The following FFAR1 variants were observed in gnomAD, a reference collection of about 807,000 sequenced individuals.
FFAR1 encodes the protein free fatty acid receptor 1.
For synonymous variants in FFAR1, 216 were observed against 201.5 expected, an observed-to-expected ratio of 1.07 and a Z score of -0.61; for missense variants, 424 against 396.2, an observed-to-expected ratio of 1.07 and a Z score of -0.60.
upstream of FFAR1, chr19:35,351,529 G>A (rs1226743388): frequency 7.2e-6 from 11 of 1,537,952 alleles, no homozygotes; most frequent in East Asian, 2.4e-5. Flanking sequence ...CACAGGAGCC[G>A]TGCAGGCCAG....
exon 1 of FFAR1, chr19:35,352,338 A>G: frequency 6.4e-7 from 1 of 1,552,284 alleles, no homozygotes; most frequent in Non-Finnish European, 8.7e-7. Context: ...GCTGGGGCTC[A>G]TCACGGGTGC....
At chr19:35,352,930 AT>A (rs2066952066) in exon 1 of FFAR1, 1 of 170,470 alleles carries the variant, frequency 5.9e-6, no homozygotes, top group African/African-American at 2.4e-5. Context: ...CTGTTATACC[AT>A]GTGAAACTCG....
At chr19:35,353,796 T>C (rs2066954745) in exon 1 of FFAR1, 1 of 152,242 alleles carries the variant, frequency 6.6e-6, no homozygotes, top group Non-Finnish European at 1.5e-5. Context: ...GCATCACTAG[T>C]GGCCCCGCAT....
exon 1 of FFAR1, chr19:35,352,405 T>C: frequency 6.4e-7 from 1 of 1,554,768 alleles, no homozygotes. Context: ...GGTCCTGGCC[T>C]GAAGACAGTG....
At chr19:35,351,718 C>T in exon 1 of FFAR1, 2 of 1,565,548 alleles carry the variant, frequency 1.3e-6, no homozygotes, top group South Asian at 2.3e-5. Flanking sequence ...CTGCTGCTGA[C>T]AGTCTCTCTG....
upstream of FFAR1, chr19:35,351,447 G>A: frequency 1.0e-6 from 1 of 1,003,370 alleles, no homozygotes; most frequent in Non-Finnish European, 1.5e-6. Flanking sequence ...CACAGGGCTG[G>A]AACCCGCGAG....
At chr19:35,352,538 T>G in exon 1 of FFAR1, 1 of 1,442,402 alleles carries the variant, frequency 6.9e-7, no homozygotes. Context: ...TCGGAGGAAC[T>G]GCAGGGCAGC....
At chr19:35,351,396 C>T (rs2066943521), upstream of FFAR1, 1 of 210,038 alleles carries the variant, frequency 4.8e-6, no homozygotes, top group African/African-American at 2.4e-5. Context: ...CTGTGGGCCT[C>T]GTTTCCTCCC....
exon 1 of FFAR1, chr19:35,352,094 G>T (rs376274460): frequency 1.2e-6 from 2 of 1,612,580 alleles, no homozygotes; most frequent in Non-Finnish European, 1.7e-6. Context: ...CTGCCGGCCC[G>T]GCCCGCTTCA....
upstream of FFAR1, among the ~76,000 whole-genome samples, chr19:35,350,677 C>A (rs1271844490): frequency 1.3e-5 from 2 of 152,212 alleles, no homozygotes; most frequent in Admixed American, 1.3e-4. Context: ...TCACCTCCAG[C>A]CGGGATGCCC....
exon 1 of FFAR1, chr19:35,352,378 C>T (rs2066949613): frequency 6.4e-7 from 1 of 1,553,646 alleles, no homozygotes. Flanking sequence ...CCGCTGGTGA[C>T]CGGTTACTTG....
upstream of FFAR1, among the ~76,000 whole-genome samples, chr19:35,350,656 C>A (rs2066940344): frequency 6.6e-6 from 1 of 152,184 alleles, no homozygotes; most frequent in South Asian, 2.1e-4. Flanking sequence ...CTCACCTCCT[C>A]TGGCGTGGCC....
At chr19:35,351,454 C>T (rs2066943844), upstream of FFAR1, 5 of 1,086,456 alleles carry the variant, frequency 4.6e-6, no homozygotes, top group African/African-American at 1.6e-5. Context: ...CTGGAACCCG[C>T]GAGTGATCCC....
chr19:35,349,154 G>A (rs1242079354), upstream of FFAR1, among the ~76,000 whole-genome samples: 1 of 152,170 alleles, frequency 6.6e-6, no homozygotes, highest in Non-Finnish European at 1.5e-5. Context: ...TGTGCAACGT[G>A]TAGTAGACAA....
chr19:35,351,447 G>C, upstream of FFAR1: 1 of 1,003,370 alleles, frequency 1.0e-6, no homozygotes, highest in Middle Eastern at 3.0e-4. Context: ...CACAGGGCTG[G>C]AACCCGCGAG....
exon 1 of FFAR1, chr19:35,352,670 T>C: frequency 3.4e-6 from 2 of 596,304 alleles, no homozygotes; most frequent in Middle Eastern, 4.5e-4. Context: ...AGTTTGCCCC[T>C]GCACGTGTCG....
chr19:35,352,854 A>G (rs1030215260), exon 1 of FFAR1: 2 of 269,568 alleles, frequency 7.4e-6, no homozygotes, highest in East Asian at 8.5e-5. Flanking sequence ...CTACTCTGAA[A>G]TCAGTTCCCA....
exon 1 of FFAR1, chr19:35,351,638 C>T (rs1228952043): frequency 1.3e-6 from 2 of 1,545,688 alleles, no homozygotes; most frequent in Non-Finnish European, 8.7e-7. Flanking sequence ...CCATCCGAGG[C>T]GCGACGGCCC....
chr19:35,352,221 T>A (rs1163138974), exon 1 of FFAR1: 1 of 1,576,308 alleles, frequency 6.3e-7, no homozygotes, highest in South Asian at 1.1e-5. Flanking sequence ...GCGGGCCGCC[T>A]GGGTGGCCGG....
Sources: allele counts gnomAD v4.1 joint callset (sites outside exome capture counted in the v4.1 genomes callset), GRCh38; gene constraint gnomAD v4.1.1; transcripts MANE v1.5; gene names NCBI Gene and HGNC (gene_info 2026-07-23, HGNC 2026-07-21).